Variants in REPS1 observed in about 807,000 individuals in gnomAD.
REPS1 encodes RALBP1 associated Eps domain containing 1.
In REPS1, 39 loss-of-function variants were observed where a neutral mutation model predicts 100.9. The ratio of observed to expected loss-of-function variants is 0.39; its 90% CI spans 0.30 to 0.50. REPS1 has a LOEUF of 0.50. Among genes scored for constraint, REPS1 ranks in the 20% least tolerant of loss-of-function variants. The pLI is 0.86. For synonymous variants in REPS1, 324 were observed against 340.3 expected, an observed-to-expected ratio of 0.95 and a Z score of 0.53; for missense variants, 821 against 968.5, an observed-to-expected ratio of 0.85 and a Z score of 2.02.
At chr6:138,944,300 G>A (rs368207377) in intron 5 of REPS1, among the ~76,000 whole-genome samples, 198 bp downstream of exon 5, 3 of 152,140 alleles carry the variant, frequency 2.0e-5, no homozygotes, top group Non-Finnish European at 2.9e-5. Flanking sequence ...AACTTCACTA[G>A]GGAATCAGAA....
chr6:138,912,690 T>C (rs747961200), intron 16 of REPS1, 75 bp downstream of exon 16: 151 of 1,391,584 alleles, frequency 1.1e-4, no homozygotes, highest in Non-Finnish European at 1.5e-4. Flanking sequence ...TCCCCTCTAA[T>C]ATCTGCTCTG....
chr6:138,915,079 C>T (rs984801622), intron 14 of REPS1: 22 of 267,954 alleles, frequency 8.2e-5, no homozygotes, highest in African/African-American at 5.0e-4. Flanking sequence ...CAAATGAAAA[C>T]TTCCAAATTT....
In REPS1 at chr6:138,983,335, G is replaced by A. The variant is rs540944584; in HGVS notation, c.153+4195C>T. Among the ~76,000 whole-genome samples the A allele has an allele frequency of 2.0e-5, 3 of 152,176 alleles. No individual in the cohort carries two copies. The South Asian group carries it at 6.2e-4, about 32-fold the overall frequency. ...AGTGTGGTGGTGGCGCATGCCTGTA[G>A]TCCCAGCTACCCAGGAGGCTGAGGC... is the stretch of plus-strand genomic sequence containing the variant. On this transcript the variant is annotated intron_variant, in intron 1 of 19. Coordinates refer to ENST00000450536, the MANE Select transcript of REPS1 (RefSeq NM_001286611.2).
intron 1 of REPS1, among the ~76,000 whole-genome samples, chr6:138,970,283 G>C (rs1436948548): frequency 1.3e-5 from 2 of 151,950 alleles, no homozygotes; most frequent in African/African-American, 4.8e-5. Context: ...AGTCAAAGCT[G>C]ACTCCAAAGA....
chr6:138,975,410 A>G (rs1374034560), intron 1 of REPS1, among the ~76,000 whole-genome samples: 1 of 152,228 alleles, frequency 6.6e-6, no homozygotes, highest in Non-Finnish European at 1.5e-5. Flanking sequence ...AGTTCACACA[A>G]CAAAATCAAC....
chr6:138,957,542 G>A (rs9321686), intron 1 of REPS1, among the ~76,000 whole-genome samples: 1 of 151,978 alleles, frequency 6.6e-6, no homozygotes, highest in East Asian at 1.9e-4. Context: ...ATGTCATTCA[G>A]CAAAGTGTGA....
At chr6:138,956,119 G>A (rs766195060) in intron 1 of REPS1, among the ~76,000 whole-genome samples, 1 of 152,082 alleles carries the variant, frequency 6.6e-6, no homozygotes, top group Non-Finnish European at 1.5e-5. Context: ...ACGCTCTCAT[G>A]TCTTCCTAAG....
In REPS1 at chr6:138,971,878, G is replaced by A. The variant is rs149451521; in HGVS notation, c.153+15652C>T. 1.5e-3 allele frequency among the ~76,000 whole-genome samples: 222 copies of A among 152,274 alleles called. 1 individual carries two copies. The highest frequency in any genetic ancestry group is 4.7e-3 in the African/African-American group (196 of 41,550). ...TGCTTTAAGTCATCATCCCAATCACGTCTATGAATGCACAGCCAAGCAGGG... is the reference window on the plus strand; with the variant it reads ...TGCTTTAAGTCATCATCCCAATCACATCTATGAATGCACAGCCAAGCAGGG... On this transcript the variant is annotated intron_variant, in intron 1 of 19. Transcript: ENST00000450536.
At chr6:138,921,890 T>G (rs1234290074) in intron 10 of REPS1, among the ~76,000 whole-genome samples, 1 of 151,970 alleles carries the variant, frequency 6.6e-6, no homozygotes, top group South Asian at 2.1e-4. Context: ...GGAGGATCCT[T>G]GAGCCTGGGG....
intron 1 of REPS1, among the ~76,000 whole-genome samples, chr6:138,968,792 G>T (rs1216913708): frequency 6.6e-6 from 1 of 152,076 alleles, no homozygotes; most frequent in Non-Finnish European, 1.5e-5. Flanking sequence ...CCACATCAAG[G>T]CCTATCTGTC....
At chr6:138,941,252 A>G (rs1218219214) in intron 8 of REPS1, 83 bp downstream of exon 8, 1 of 1,431,940 alleles carries the variant, frequency 7.0e-7, no homozygotes, top group Non-Finnish European at 9.7e-7. Context: ...GCTAAGGTTA[A>G]CCTCTATCTT....
intron 8 of REPS1, among the ~76,000 whole-genome samples, chr6:138,940,542 A>ATCT: frequency 6.6e-6 from 1 of 151,940 alleles, no homozygotes. Flanking sequence ...GTCAAGAGAT[A>ATCT]GAGACCATCC....
chr6:138,960,405 G>A (rs1467936498), intron 1 of REPS1, among the ~76,000 whole-genome samples: 2 of 151,306 alleles, frequency 1.3e-5, no homozygotes, highest in African/African-American at 2.4e-5. Context: ...AATTTAAAAC[G>A]GGAAATAAAA....
chr6:138,937,466 G>A (rs1041490311), intron 8 of REPS1, among the ~76,000 whole-genome samples: 2 of 152,048 alleles, frequency 1.3e-5, no homozygotes, highest in African/African-American at 4.8e-5. Context: ...GAATTTATGT[G>A]GATTTCTAGT....
At chr6:138,964,872 T>C (rs1365720505) in intron 1 of REPS1, among the ~76,000 whole-genome samples, 1 of 152,122 alleles carries the variant, frequency 6.6e-6, no homozygotes, top group Non-Finnish European at 1.5e-5. Context: ...ATTACTGCTA[T>C]ATGACCTAGA....
At chr6:138,950,685 C>G (rs2128482471) in intron 1 of REPS1, among the ~76,000 whole-genome samples, 1 of 152,150 alleles carries the variant, frequency 6.6e-6, no homozygotes, top group South Asian at 2.1e-4. Flanking sequence ...ATTAGTCCAC[C>G]CCTCAATTTT....
intron 4 of REPS1, 116 bp downstream of exon 4, chr6:138,945,103 C>T: frequency 1.2e-6 from 1 of 837,318 alleles, no homozygotes; most frequent in Non-Finnish European, 1.7e-6. Flanking sequence ...TTCTGTGGCA[C>T]AAGCCTATAA....
intron 1 of REPS1, among the ~76,000 whole-genome samples, chr6:138,975,162 C>T (rs1336047626): frequency 1.3e-5 from 2 of 152,160 alleles, no homozygotes; most frequent in Admixed American, 6.5e-5. Context: ...GCATCACACT[C>T]AGCACATACA....
At position 138,944,028 on chromosome 6, in the gene REPS1, A is replaced by AT. The variant is rs772971404; in HGVS notation, c.754-14dup. The AT allele has an allele frequency of 3.7e-6, 6 of 1,612,918 alleles. No individual in the cohort carries two copies. The African/African-American group carries it at 5.3e-5, about 14-fold the overall frequency. ...CTGTTGTCTGGTCCTGTAATGAAAC[A>AT]TTTTTTCCTCAGTACAATATCTACC... On this transcript the variant is annotated splice_polypyrimidine_tract_variant and intron_variant, in intron 5 of 19. Transcript: ENST00000450536.
Sources: gnomAD v4.1 joint callset for allele counts (sites outside exome capture counted in the v4.1 genomes callset) on GRCh38, gnomAD v4.1.1 for gene constraint, MANE v1.5 for transcripts, NCBI Gene and HGNC (gene_info 2026-07-23, HGNC 2026-07-21) for gene names.